The following DEPDC5 variants were observed in gnomAD, a reference collection of about 807,000 sequenced individuals.
The protein encoded by DEPDC5 is GATOR1 complex protein DEPDC5.
In DEPDC5, 73 loss-of-function variants were observed where a neutral mutation model predicts 217.3. The observed-to-expected ratio is 0.34, with a 90% CI of 0.28 to 0.41. The LOEUF (loss-of-function observed/expected upper bound fraction) is 0.41, where lower values mean the gene tolerates loss of function less well. DEPDC5 is among the 10% of genes least tolerant of loss of function. The pLI, the probability that DEPDC5 is intolerant of heterozygous loss-of-function variation, is 1.00. For missense variants in DEPDC5, 1,675 were observed against 2,070.1 expected, an observed-to-expected ratio of 0.81 and a Z score of 3.70; for synonymous variants, 733 against 756.7, an observed-to-expected ratio of 0.97 and a Z score of 0.51.
chr22:31,795,653 C>T (rs1400104923), intron 12 of DEPDC5, among the ~76,000 whole-genome samples: 1 of 152,096 alleles, frequency 6.6e-6, no homozygotes. Context: ...CTTGGCCTCC[C>T]AAAATGCTGG....
intron 34 of DEPDC5, chr22:31,873,053 C>T (rs2092893561): frequency 9.7e-7 from 1 of 1,033,028 alleles, no homozygotes; most frequent in Non-Finnish European, 1.3e-6. Context: ...CCAAACCCGG[C>T]CCTAAATGTG....
rs1392887985 is a variant in DEPDC5, at chr22:31,754,925, A to G, written c.4A>G (p.Arg2Gly). The change falls in exon 2 of 43, where the codon AGA (arginine) becomes GGA (glycine). Residue 2 changes from arginine (R) to glycine (G), a missense_variant. Around this residue, in one of 11 missense-constraint regions of DEPDC5, gnomAD observed 628 missense variants for 762.1 expected, o/e 0.82. Coordinates refer to ENST00000651528, the MANE Select transcript of DEPDC5 (RefSeq NM_001242896.3). M[R>G]TTKVYKLVIH... ...CTAAAGGGAAAAACAGTGCAAGATG[A>G]GAACAACAAAGGTCTACAAACTCGT... The G allele has an allele frequency of 6.2e-7, 1 of 1,614,258 alleles. No homozygotes were observed.
chr22:31,896,245 A>G (rs2093550588), intron 39 of DEPDC5, among the ~76,000 whole-genome samples: 1 of 152,220 alleles, frequency 6.6e-6, no homozygotes, highest in Non-Finnish European at 1.5e-5. Flanking sequence ...ATTTAAGGCA[A>G]TGTCCACATT....
At position 31,897,739 on chromosome 22, in the gene DEPDC5, C is replaced by T. The variant is rs188017626; in HGVS notation, c.4375+86C>T. 71 of 1,480,674 alleles carry T rather than the reference C, an allele frequency of 4.8e-5. No homozygotes were observed. The African/African-American group carries it at 6.7e-4, about 14-fold the overall frequency. 91.7% of individuals were successfully genotyped at this position (1,480,674 alleles called of 1,614,324 possible). A position where few individuals can be genotyped will look rare whatever the true frequency, so the allele number is the denominator to read the frequency against. Reference sequence around the variant, plus strand: ...CACCACTCTGGGTATCCAGTCAACACGGACTAGGGAAAAGGGACAGCCTTT... The same window carrying T: ...CACCACTCTGGGTATCCAGTCAACATGGACTAGGGAAAAGGGACAGCCTTT... On this transcript the variant is annotated intron_variant, in intron 40 of 42. Coordinates refer to ENST00000651528, the MANE Select transcript of DEPDC5 (RefSeq NM_001242896.3).
chr22:31,866,653 C>G (rs555670103), intron 33 of DEPDC5, among the ~76,000 whole-genome samples: 1 of 152,076 alleles, frequency 6.6e-6, no homozygotes, highest in Admixed American at 6.6e-5. Context: ...CAAAGTGCTG[C>G]GATTACAGGT....
intron 33 of DEPDC5, 44 bp from the exon 34 acceptor site, chr22:31,870,546 C>G (rs778853654): frequency 6.9e-7 from 1 of 1,451,654 alleles, no homozygotes; most frequent in Non-Finnish European, 9.1e-7. Context: ...GTTTTCCTGT[C>G]AGTTATTTTT....
At chr22:31,789,575 G>T (rs1406008806) in intron 10 of DEPDC5, among the ~76,000 whole-genome samples, 1 of 152,130 alleles carries the variant, frequency 6.6e-6, no homozygotes, top group East Asian at 1.9e-4. Flanking sequence ...CATTGTGAAT[G>T]TATTAAATGT....
chr22:31,856,548 T>G (rs1487805463), intron 31 of DEPDC5, among the ~76,000 whole-genome samples: 1 of 152,030 alleles, frequency 6.6e-6, no homozygotes, highest in Non-Finnish European at 1.5e-5. Context: ...AGAAAAAAAT[T>G]AGGAAAATAA....
At chr22:31,787,824 AAAAAAAGAAGAAG>A (rs1320792669) in intron 10 of DEPDC5, among the ~76,000 whole-genome samples, 1 of 151,636 alleles carries the variant, frequency 6.6e-6, no homozygotes, top group Non-Finnish European at 1.5e-5. Flanking sequence ...TAAAAAAAAA[AAAAAAAGAAGAAG>A]AAAAAAGAAG....
intron 38 of DEPDC5, among the ~76,000 whole-genome samples, chr22:31,885,338 C>A (rs1046747866): frequency 5.9e-5 from 9 of 152,234 alleles, no homozygotes; most frequent in African/African-American, 2.2e-4. Flanking sequence ...CCGTGCACAT[C>A]TCTGCTTCCA....
chr22:31,805,506 C>CT lies in DEPDC5; in HGVS notation c.1217+603dup, dbSNP rs1018325994. On this transcript the variant is annotated intron_variant, in intron 17 of 42. Coordinates refer to ENST00000651528, the MANE Select transcript of DEPDC5 (RefSeq NM_001242896.3). ...TTCTCTGGGTTGTCTTTCTTTCTTT[C>CT]TTTTTTTTTTTTAAGACGGAGTTTC... is the stretch of plus-strand genomic sequence containing the variant. Among the ~76,000 whole-genome samples, 313 of 145,168 alleles carry CT rather than the reference C, an allele frequency of 2.2e-3. 3 individuals are homozygous for CT. Among genetic ancestry groups the CT allele is most frequent in the East Asian group, 7.8e-3 (39 of 5,008 alleles).
intron 38 of DEPDC5, among the ~76,000 whole-genome samples, chr22:31,890,851 G>A (rs529521615): frequency 1.7e-3 from 255 of 151,850 alleles, no homozygotes; most frequent in Admixed American, 4.7e-3. Flanking sequence ...TCAGCCTCCC[G>A]AGTAGCTGGG....
At chr22:31,889,869 A>C (rs2093402889) in intron 38 of DEPDC5, among the ~76,000 whole-genome samples, 1 of 152,194 alleles carries the variant, frequency 6.6e-6, no homozygotes, top group Non-Finnish European at 1.5e-5. Context: ...TGGCAGTATC[A>C]GGAATCCATA....
At position 31,843,201 on chromosome 22, in the gene DEPDC5, A is replaced by T. The variant is rs374820591; in HGVS notation, c.2622A>T (p.Arg874=). ...AGGATAAGATGATCACAGTGACGCG[A>T]TACCTTCCCAAGTGAGTATTTGGAT... ...TLKDKMITVT[R]YLPKYPYESA... The change falls in exon 28 of 43, where the codon CGA becomes CGT. Residue 874 remains arginine (R), a synonymous_variant. Transcript: ENST00000651528. The T allele has an allele frequency of 3.1e-6, 5 of 1,613,760 alleles. No homozygotes were observed. Among genetic ancestry groups the T allele is most frequent in the Admixed American group, 1.7e-5 (1 of 59,912 alleles).
At chr22:31,870,439 T>G in intron 33 of DEPDC5, 151 bp from the exon 34 acceptor site, 4 of 804,056 alleles carry the variant, frequency 5.0e-6, no homozygotes, top group Non-Finnish European at 7.0e-6. Flanking sequence ...GACCAAGGGG[T>G]AGTGGGAATG....
rs767509156 is a variant in DEPDC5 at position 31,815,075 on chromosome 22, C to T, written c.1529C>T (p.Thr510Ile). The T allele has an allele frequency of 5.0e-6, 8 of 1,614,214 alleles. No homozygotes were observed. The highest frequency in any genetic ancestry group is 5.9e-6 in the Non-Finnish European group (7 of 1,180,040). The change falls in exon 21 of 43, where the codon ACA becomes ATA. Residue 510 changes from threonine to isoleucine, a missense_variant. Coordinates refer to ENST00000651528, the MANE Select transcript of DEPDC5 (RefSeq NM_001242896.3). ...VSSSPSLPSR[T>I]LPTEEVRSQA... ...TCCAGCCCTTCCCTACCAAGCCGCA[C>T]ACTGCCCACTGAGGAAGTGAGGAGC...
rs1268411483 is a variant in DEPDC5 at position 31,776,574 on chromosome 22, T to TG, written c.414-1525_414-1524insG. Among the ~76,000 whole-genome samples the TG allele has an allele frequency of 2.1e-5, 3 of 144,200 alleles. No homozygotes were observed. In the Admixed American group the frequency reaches 2.1e-4, roughly 10 times the overall value. 94.6% of individuals were successfully genotyped at this position (144,200 alleles called of 152,430 possible). A position where few individuals can be genotyped will look rare whatever the true frequency, so the allele number is the denominator to read the frequency against. ...TACTTTTTCTACTGTACTATTCACT[T>TG]TTTTTTTTTTTTTTTTTTTGAGGCT... is the stretch of plus-strand genomic sequence containing the variant. On this transcript the variant is annotated intron_variant, in intron 7 of 42. Transcript: ENST00000651528.
At chr22:31,784,060 C>A in intron 9 of DEPDC5, 75 bp downstream of exon 9, 3 of 1,153,836 alleles carry the variant, frequency 2.6e-6, no homozygotes, top group Non-Finnish European at 2.5e-6. Flanking sequence ...TTCATGAATG[C>A]CCAGGGTCCC....
At position 31,765,067 on chromosome 22, in the gene DEPDC5, CTT is replaced by C. The variant is rs754212146; in HGVS notation, c.279+9_279+10del. ...TAATGTCGTAGACCCTAAGGTATGT[CTT>C]TGTTTTGTACTTGAATATCTTTTTG... On this transcript the variant is annotated splice_region_variant and intron_variant, in intron 5 of 42. Coordinates refer to ENST00000651528, the MANE Select transcript of DEPDC5 (RefSeq NM_001242896.3). The C allele has an allele frequency of 3.7e-6, 6 of 1,609,462 alleles. No individual in the cohort carries two copies. In the South Asian group the frequency reaches 6.6e-5, roughly 18 times the overall value.
Sources: allele counts gnomAD v4.1 joint callset (sites outside exome capture counted in the v4.1 genomes callset), GRCh38; gene constraint gnomAD v4.1.1; regional missense constraint gnomAD v4.1.1; transcripts MANE v1.5; gene names NCBI Gene and HGNC (gene_info 2026-07-23, HGNC 2026-07-21).